SLC8A1: variants seen among roughly 807,000 people sequenced by gnomAD.
The protein encoded by SLC8A1 is solute carrier family 8 member A1, also known as sodium/calcium exchanger 1.
SLC8A1 carries 18 observed loss-of-function variants against 68.3 expected under a neutral mutation model. That is an observed-to-expected ratio of 0.26 (90% confidence interval 0.18 to 0.39). The LOEUF (loss-of-function observed/expected upper bound fraction) is 0.39, where lower values mean the gene tolerates loss of function less well. Among genes scored for constraint, SLC8A1 ranks in the 10% least tolerant of loss-of-function variants. The pLI, the probability that SLC8A1 is intolerant of heterozygous loss-of-function variation, is 1.00. For missense variants in SLC8A1, 985 were observed against 1,156.7 expected (o/e 0.85, Z 2.15); for synonymous variants, 475 against 415.5 (o/e 1.14, Z -1.74).
At chr2:40,429,860 C>T (rs878974855) in exon 2 of SLC8A1, 2 of 1,613,260 alleles carry the variant, frequency 1.2e-6, no homozygotes, top group Non-Finnish European at 1.7e-6. Context: ...GATCCCAGGG[C>T]CATCAAGGTC....
At chr2:40,313,687 G>C (rs2074049818) in intron 2 of SLC8A1, among the ~76,000 whole-genome samples, 2 of 152,020 alleles carry the variant, frequency 1.3e-5, no homozygotes, top group African/African-American at 2.4e-5. Context: ...ACAGGCGTGA[G>C]TCACAGTACC....
chr2:40,434,104 T>C (rs1241450331), intron 1 of SLC8A1, among the ~76,000 whole-genome samples: 2 of 152,162 alleles, frequency 1.3e-5, no homozygotes, highest in African/African-American at 4.8e-5. Context: ...ATCCCTTCCC[T>C]AGCCCACATC....
intron 2 of SLC8A1, among the ~76,000 whole-genome samples, chr2:40,313,903 CATTA>C (rs1286041110): frequency 2.6e-5 from 4 of 151,824 alleles, no homozygotes; most frequent in African/African-American, 7.3e-5. Context: ...AAATTTTGAG[CATTA>C]ATTAAATATT....
At chr2:40,377,686 C>T (rs2149534180) in intron 2 of SLC8A1, among the ~76,000 whole-genome samples, 1 of 152,142 alleles carries the variant, frequency 6.6e-6, no homozygotes, top group Non-Finnish European at 1.5e-5. Flanking sequence ...TGGTCTTAGT[C>T]TCTAGATACG....
At chr2:40,386,295 G>A (rs899897138) in intron 2 of SLC8A1, among the ~76,000 whole-genome samples, 2 of 151,090 alleles carry the variant, frequency 1.3e-5, no homozygotes, top group African/African-American at 4.9e-5. Context: ...ATTTTATAAT[G>A]AGTCTATTTT....
At chr2:40,400,911 A>T (rs571472272) in intron 2 of SLC8A1, among the ~76,000 whole-genome samples, 1 of 152,262 alleles carries the variant, frequency 6.6e-6, no homozygotes, top group Admixed American at 6.5e-5. Context: ...CAGTAAACTC[A>T]GTGGGAAAAG....
chr2:40,443,035 A>G (rs11681856), intron 1 of SLC8A1, among the ~76,000 whole-genome samples: 1 of 152,124 alleles, frequency 6.6e-6, no homozygotes, highest in African/African-American at 2.4e-5. Flanking sequence ...GTTCTCACTC[A>G]TAAGTAGGAG....
At chr2:40,217,874 T>C (rs895276500) in intron 2 of SLC8A1, among the ~76,000 whole-genome samples, 2 of 152,224 alleles carry the variant, frequency 1.3e-5, no homozygotes, top group African/African-American at 4.8e-5. Context: ...GTGAAAAATA[T>C]TGTTAAGTAA....
chr2:40,300,485 G>C (rs569493959), intron 2 of SLC8A1, among the ~76,000 whole-genome samples: 2 of 152,088 alleles, frequency 1.3e-5, no homozygotes, highest in African/African-American at 2.4e-5. Context: ...TTGTTTCGTA[G>C]GCTGGCCCAC....
intron 2 of SLC8A1, among the ~76,000 whole-genome samples, chr2:40,333,195 T>G (rs1168892427): frequency 1.3e-5 from 2 of 152,148 alleles, no homozygotes; most frequent in Non-Finnish European, 2.9e-5. Flanking sequence ...TCCCAGCACT[T>G]TGGGAGGCCA....
intron 6 of SLC8A1, among the ~76,000 whole-genome samples, chr2:40,160,536 G>A (rs2045482274): frequency 6.6e-6 from 1 of 152,152 alleles, no homozygotes; most frequent in African/African-American, 2.4e-5. Flanking sequence ...TCTATTTCCA[G>A]AAAGATGCAA....
At position 40,308,935 on chromosome 2, in the gene SLC8A1, C is replaced by A. The variant is rs1482944351; in HGVS notation, c.1808+119538G>T. Reference sequence around the variant, plus strand: ...GGGAGGAGTGGAAGAAATAACCTTGCAAAATATTTGGGGGACTGGGTCCTG... The same window carrying A: ...GGGAGGAGTGGAAGAAATAACCTTGAAAAATATTTGGGGGACTGGGTCCTG... On this transcript the variant is annotated intron_variant, in intron 2 of 7. Transcript: ENST00000406785. Among the ~76,000 whole-genome samples the A allele has an allele frequency of 2.6e-5, 4 of 152,212 alleles. No homozygotes were observed. The East Asian group carries it at 5.8e-4, about 22-fold the overall frequency.
chr2:40,256,083 A>T (rs931120776), intron 2 of SLC8A1, among the ~76,000 whole-genome samples: 1 of 152,206 alleles, frequency 6.6e-6, no homozygotes, highest in African/African-American at 2.4e-5. Flanking sequence ...GGGTAACGAC[A>T]ATGAGACTGT....
At chr2:40,425,938 G>A (rs115853036) in intron 2 of SLC8A1, among the ~76,000 whole-genome samples, 156 of 151,988 alleles carry the variant, frequency 1.0e-3, no homozygotes, top group Non-Finnish European at 1.8e-3. Flanking sequence ...TATGTTCATT[G>A]CAGCACTATT....
intron 2 of SLC8A1, among the ~76,000 whole-genome samples, chr2:40,201,110 C>A (rs2054283331): frequency 6.6e-6 from 1 of 150,772 alleles, no homozygotes; most frequent in Non-Finnish European, 1.5e-5. Context: ...CCCCCACTCC[C>A]TCAAAAAAAA....
chr2:40,342,887 G>T (rs886845536), intron 2 of SLC8A1, among the ~76,000 whole-genome samples: 1 of 152,044 alleles, frequency 6.6e-6, no homozygotes, highest in Non-Finnish European at 1.5e-5. Flanking sequence ...TGTGTTAAAC[G>T]TACTGATCAC....
intron 2 of SLC8A1, among the ~76,000 whole-genome samples, chr2:40,416,722 G>C (rs575206393): frequency 6.6e-6 from 1 of 152,024 alleles, no homozygotes; most frequent in South Asian, 2.1e-4. Context: ...AGCCAAGTTG[G>C]TTCTGGAACT....
chr2:40,249,015 G>A (rs980240803), intron 2 of SLC8A1, among the ~76,000 whole-genome samples: 3 of 152,262 alleles, frequency 2.0e-5, no homozygotes, highest in Non-Finnish European at 4.4e-5. Context: ...ACAGGATGAC[G>A]TGCTGAGTTT....
chr2:40,252,241 G>T (rs1558960433), intron 2 of SLC8A1, among the ~76,000 whole-genome samples: 1 of 152,144 alleles, frequency 6.6e-6, no homozygotes, highest in Non-Finnish European at 1.5e-5. Context: ...TACAGAGTTT[G>T]AGATAAGCCA....
Sources: allele counts gnomAD v4.1 joint callset (sites outside exome capture counted in the v4.1 genomes callset), GRCh38; gene constraint gnomAD v4.1.1; transcripts MANE v1.5; gene names NCBI Gene and HGNC (gene_info 2026-07-23, HGNC 2026-07-21).